Variants in NRG1 observed in about 807,000 individuals in gnomAD.
NRG1 encodes neuregulin 1.
A neutral mutation model predicts 63.8 loss-of-function variants in NRG1; 18 were observed. That is an observed-to-expected ratio of 0.28 (90% CI 0.19 to 0.42). The LOEUF is 0.42. NRG1 is among the 10% of genes least tolerant of loss of function. NRG1 has a pLI of 1.00. For synonymous variants in NRG1, 302 were observed against 301.3 expected (o/e 1.00, Z -0.02); for missense variants, 762 against 814.7 (o/e 0.94, Z 0.79).
At chr8:31,979,985 C>T (rs1808817462) in intron 1 of NRG1, among the ~76,000 whole-genome samples, 1 of 151,960 alleles carries the variant, frequency 6.6e-6, no homozygotes, top group Non-Finnish European at 1.5e-5. Context: ...TTTCTATGCA[C>T]TTTACAAATA....
chr8:32,488,830 G>A (rs958294108), intron 1 of NRG1, among the ~76,000 whole-genome samples: 6 of 152,104 alleles, frequency 3.9e-5, no homozygotes, highest in African/African-American at 9.7e-5. Context: ...TCAGAGTTTC[G>A]AGTAACGACA....
chr8:31,931,961 C>G (rs1385678499), intron 1 of NRG1, among the ~76,000 whole-genome samples: 1 of 152,140 alleles, frequency 6.6e-6, no homozygotes, highest in Non-Finnish European at 1.5e-5. Flanking sequence ...CCAGAGCTGT[C>G]ATTGTGCTGA....
intron 1 of NRG1, among the ~76,000 whole-genome samples, chr8:32,406,498 A>G (rs12545685): frequency 0.13 from 20,312 of 152,110 alleles, 1,891 homozygotes; most frequent in Admixed American, 0.26. Flanking sequence ...AGCACTGTAT[A>G]TATCCTGATA....
At chr8:31,671,765 C>T (rs1427629842) in intron 1 of NRG1, among the ~76,000 whole-genome samples, 2 of 152,070 alleles carry the variant, frequency 1.3e-5, no homozygotes, top group African/African-American at 4.8e-5. Context: ...GAGGAGTTCA[C>T]AGACTATCAT....
At chr8:32,537,811 TC>T (rs1832166637) in intron 1 of NRG1, among the ~76,000 whole-genome samples, 2 of 152,152 alleles carry the variant, frequency 1.3e-5, no homozygotes, top group African/African-American at 2.4e-5. Flanking sequence ...CAGTGCTTTT[TC>T]AAGGACAGGC....
At chr8:32,019,324 T>G (rs1290601084) in intron 1 of NRG1, among the ~76,000 whole-genome samples, 1 of 152,206 alleles carries the variant, frequency 6.6e-6, no homozygotes, top group Non-Finnish European at 1.5e-5. Context: ...GGTCTCAATC[T>G]CCTGACATCA....
intron 1 of NRG1, among the ~76,000 whole-genome samples, chr8:31,894,869 A>G (rs1368887797): frequency 2.0e-5 from 3 of 151,918 alleles, no homozygotes; most frequent in South Asian, 2.1e-4. Context: ...TATTTCTTTC[A>G]TTATGTTCTG....
intron 1 of NRG1, among the ~76,000 whole-genome samples, chr8:31,823,423 T>G (rs1428632713): frequency 6.6e-6 from 1 of 152,124 alleles, no homozygotes; most frequent in Non-Finnish European, 1.5e-5. Context: ...TTCACACAAT[T>G]CAGGCTGGCT....
chr8:31,766,947 G>A (rs1443245334), intron 1 of NRG1, among the ~76,000 whole-genome samples: 5 of 152,162 alleles, frequency 3.3e-5, no homozygotes, highest in African/African-American at 7.2e-5. Context: ...TGAACATTCC[G>A]TGAAGCATTT....
At chr8:32,181,917 C>T (rs1210493158) in intron 1 of NRG1, among the ~76,000 whole-genome samples, 1 of 151,648 alleles carries the variant, frequency 6.6e-6, no homozygotes, top group African/African-American at 2.4e-5. Flanking sequence ...TTATAAATAA[C>T]CTTAACTAAC....
intron 5 of NRG1, among the ~76,000 whole-genome samples, chr8:32,676,105 A>G (rs967022286): frequency 2.0e-5 from 3 of 152,192 alleles, no homozygotes; most frequent in African/African-American, 4.8e-5. Context: ...GAGTGTTGCC[A>G]TGGAGGTCAG....
intron 1 of NRG1, among the ~76,000 whole-genome samples, chr8:32,303,850 C>T (rs372210139): frequency 4.6e-5 from 7 of 152,092 alleles, no homozygotes; most frequent in African/African-American, 4.8e-5. Context: ...TTTAAAGATA[C>T]GAAATTTACT....
chr8:31,782,790 G>C (rs1032578696), intron 1 of NRG1, among the ~76,000 whole-genome samples: 6 of 152,146 alleles, frequency 3.9e-5, no homozygotes, highest in African/African-American at 7.2e-5. Context: ...CTGTGATTTA[G>C]TAGTCTAAAT....
rs1315591090 is a variant in NRG1, at chr8:32,009,284, T to C, written c.37+369853T>C. ...CAGTTTCATCTTCCTCTTCTGTTTC[T>C]AGTGAATAAAACATAGTCTGCTGAT... is the stretch of plus-strand genomic sequence containing the variant. On this transcript the variant is annotated intron_variant, in intron 1 of 10. Transcript: ENST00000519301. 2.6e-5 allele frequency among the ~76,000 whole-genome samples: 4 copies of C among 152,048 alleles called. No homozygotes were observed. The East Asian group carries it at 7.8e-4, about 30-fold the overall frequency.
chr8:32,542,181 A>C (rs1423630690), intron 1 of NRG1, among the ~76,000 whole-genome samples: 1 of 152,074 alleles, frequency 6.6e-6, no homozygotes. Flanking sequence ...CAAATTCAGG[A>C]AAAAAAAGTA....
At chr8:31,914,257 A>C (rs1833188051) in intron 1 of NRG1, among the ~76,000 whole-genome samples, 4 of 151,874 alleles carry the variant, frequency 2.6e-5, no homozygotes, top group African/African-American at 9.7e-5. Flanking sequence ...CTTAAAACGC[A>C]AAGCATCAGT....
intron 1 of NRG1, among the ~76,000 whole-genome samples, chr8:32,178,870 T>A (rs1024115543): frequency 6.6e-6 from 1 of 151,718 alleles, no homozygotes; most frequent in African/African-American, 2.4e-5. Flanking sequence ...ATGAAACATA[T>A]AAGACTTCTT....
intron 1 of NRG1, among the ~76,000 whole-genome samples, chr8:32,359,966 G>A (rs1480864734): frequency 6.6e-6 from 1 of 152,150 alleles, no homozygotes; most frequent in Non-Finnish European, 1.5e-5. Flanking sequence ...AATGTATGGA[G>A]CCAAAAGCTA....
intron 1 of NRG1, among the ~76,000 whole-genome samples, chr8:32,256,873 A>G (rs1262819776): frequency 6.6e-6 from 1 of 152,120 alleles, no homozygotes; most frequent in Non-Finnish European, 1.5e-5. Context: ...AGTCTGCTGA[A>G]GCTGCACCCC....
Sources: allele counts gnomAD v4.1 joint callset (sites outside exome capture counted in the v4.1 genomes callset), GRCh38; gene constraint gnomAD v4.1.1; transcripts MANE v1.5; gene names NCBI Gene and HGNC (gene_info 2026-07-23, HGNC 2026-07-21).